Variants in DPT observed in about 807,000 individuals in gnomAD.
The protein encoded by DPT is tyrosine-rich acidic matrix protein.
Under a neutral mutation model 31.2 loss-of-function variants are expected in DPT, and 21 were observed. The observed-to-expected ratio is 0.67, with a 90% CI of 0.48 to 0.97. DPT has a LOEUF of 0.97. Ranked by LOEUF, DPT falls within the 50% of genes least tolerant of loss-of-function variation. The pLI is 0.00. For synonymous variants in DPT, 91 were observed against 86.9 expected (o/e 1.05, Z -0.26); for missense variants, 262 against 258.8 (o/e 1.01, Z -0.08).
At chr1:168,698,654 G>A (rs188727731) in intron 3 of DPT, among the ~76,000 whole-genome samples, 317 of 152,224 alleles carry the variant, frequency 2.1e-3, no homozygotes, top group African/African-American at 7.3e-3. Context: ...TTTGGTTAGG[G>A]TGGGGTGCTA....
At chr1:168,719,953 T>C (rs1650064961) in intron 1 of DPT, among the ~76,000 whole-genome samples, 1 of 152,112 alleles carries the variant, frequency 6.6e-6, no homozygotes, top group Non-Finnish European at 1.5e-5. Context: ...GTGAACCTAT[T>C]CTGAGAAAGT....
At position 168,728,927 on chromosome 1, in the gene DPT, C is replaced by A. The variant is rs150749597; in HGVS notation, c.248G>T (p.Ser83Ile). Reference sequence around the variant, plus strand: ...CCAGCACTCCGTGGGTTCCCCGAGGCTCTGTGGCGTGGGCATGCAGGCGTA... The same window carrying A: ...CCAGCACTCCGTGGGTTCCCCGAGGATCTGTGGCGTGGGCATGCAGGCGTA... ...WNYACMPTPQ[S>I]LGEPTECWWE... The change falls in exon 1 of 4, where the codon AGC becomes ATC. Residue 83 changes from serine (S) to isoleucine (I), a missense_variant. Coordinates refer to ENST00000367817, the MANE Select transcript of DPT (RefSeq NM_001937.5). 3.6e-4 allele frequency: 578 copies of A among 1,614,208 alleles called. No homozygotes were observed. The African/African-American group carries it at 7.1e-3, about 20-fold the overall frequency.
At chr1:168,702,241 A>C (rs1033032563) in intron 2 of DPT, among the ~76,000 whole-genome samples, 9 of 152,350 alleles carry the variant, frequency 5.9e-5, no homozygotes, top group Admixed American at 4.6e-4. Flanking sequence ...AATGCTAGAA[A>C]GATCTTCTCC....
At chr1:168,723,410 A>G (rs1013865575) in intron 1 of DPT, among the ~76,000 whole-genome samples, 4 of 152,212 alleles carry the variant, frequency 2.6e-5, no homozygotes, top group African/African-American at 9.6e-5. Context: ...ATTCATCTCC[A>G]TCTTCCTGGG....
intron 1 of DPT, among the ~76,000 whole-genome samples, chr1:168,719,564 A>G (rs1009249785): frequency 3.9e-5 from 6 of 152,108 alleles, no homozygotes; most frequent in Admixed American, 3.3e-4. Flanking sequence ...CCTGGAGAAC[A>G]GGGCAGTGGC....
intron 1 of DPT, among the ~76,000 whole-genome samples, chr1:168,726,663 G>A (rs1167909656): frequency 1.3e-5 from 2 of 152,208 alleles, no homozygotes; most frequent in African/African-American, 4.8e-5. Context: ...CTTGACTGTG[G>A]CACAAAAAAC....
intron 1 of DPT, among the ~76,000 whole-genome samples, chr1:168,725,892 C>T (rs1650232923): frequency 6.6e-6 from 1 of 152,146 alleles, no homozygotes; most frequent in Non-Finnish European, 1.5e-5. Flanking sequence ...TGCACAAAAC[C>T]ATCAACAACT....
At chr1:168,705,530 G>A (rs969987500) in intron 2 of DPT, among the ~76,000 whole-genome samples, 1 of 152,166 alleles carries the variant, frequency 6.6e-6, no homozygotes, top group African/African-American at 2.4e-5. Context: ...GGTACCTGAG[G>A]AAGCCATACT....
At chr1:168,724,614 A>G (rs780693365) in intron 1 of DPT, among the ~76,000 whole-genome samples, 2 of 152,120 alleles carry the variant, frequency 1.3e-5, no homozygotes, top group African/African-American at 2.4e-5. Context: ...GAGTGGAGAC[A>G]GCGAGATGTG....
At chr1:168,701,192 C>T in intron 2 of DPT, 68 bp from the exon 3 acceptor site, 1 of 1,211,794 alleles carries the variant, frequency 8.3e-7, no homozygotes, top group South Asian at 1.2e-5. Context: ...AAACAGAAGA[C>T]ACACTATGAA....
In DPT at chr1:168,696,453, G is replaced by A; in HGVS notation, c.*96C>T. ...TCAGGGAGAAGGAAAGAGAGCAGCA[G>A]AAACTTCTATAGGAGATCCAACTGA... On this transcript the variant is annotated 3_prime_UTR_variant, in exon 4 of 4. Transcript: ENST00000367817. The A allele has an allele frequency of 9.3e-7, 1 of 1,076,940 alleles. No homozygotes were observed. The highest frequency in any genetic ancestry group is 1.6e-5 in the South Asian group (1 of 61,796). The allele number at this position is 1,076,940 out of a possible 1,614,324, so 66.7% of individuals were successfully genotyped here.
chr1:168,714,279 C>G lies in DPT; in HGVS notation c.373G>C (p.Asp125His). ...FQSRYFESVL[D>H]REWQFYCCRY... is the part of the protein sequence containing the mutation. The stretch of plus-strand genomic sequence containing the variant: ...CAACAGTAAAACTGCCACTCCCGAT[C>G]CAGCACTGACTCGAAGTAGCGGCTC... The change falls in exon 2 of 4, where the codon GAT (aspartate) becomes CAT (histidine). Residue 125 changes from aspartate (D) to histidine (H), a missense_variant. Physicochemically the swap from Asp to His is moderately conservative, Grantham distance 81. Coordinates refer to ENST00000367817, the MANE Select transcript of DPT (RefSeq NM_001937.5). 1 of 1,614,118 alleles carries G rather than the reference C, an allele frequency of 6.2e-7. No homozygotes were observed. Among genetic ancestry groups the G allele is most frequent in the Non-Finnish European group, 8.5e-7 (1 of 1,180,018 alleles).
chr1:168,720,775 A>T (rs1210114957), intron 1 of DPT, among the ~76,000 whole-genome samples: 1 of 152,196 alleles, frequency 6.6e-6, no homozygotes, highest in African/African-American at 2.4e-5. Context: ...CCAAAGGTGG[A>T]TGAGGTCTTA....
chr1:168,701,284 A>G (rs1418300188), intron 2 of DPT, among the ~76,000 whole-genome samples, 160 bp from the exon 3 acceptor site: 1 of 152,150 alleles, frequency 6.6e-6, no homozygotes, highest in African/African-American at 2.4e-5. Flanking sequence ...CTGTGAAGAA[A>G]CAGACAGCTC....
At chr1:168,710,987 T>G (rs1175194742) in intron 2 of DPT, among the ~76,000 whole-genome samples, 1 of 151,788 alleles carries the variant, frequency 6.6e-6, no homozygotes, top group African/African-American at 2.4e-5. Flanking sequence ...TTTCTTCTGT[T>G]TGACAACTTT....
chr1:168,722,521 C>T (rs1186181164), intron 1 of DPT, among the ~76,000 whole-genome samples: 3 of 152,100 alleles, frequency 2.0e-5, no homozygotes, highest in African/African-American at 7.2e-5. Flanking sequence ...ACTATGCGTG[C>T]ATTAATTATT....
At chr1:168,701,334 T>C (rs1649593050) in intron 2 of DPT, among the ~76,000 whole-genome samples, 1 of 152,110 alleles carries the variant, frequency 6.6e-6, no homozygotes, top group South Asian at 2.1e-4. Flanking sequence ...GCCATTAAAC[T>C]GTGCACTGAA....
At chr1:168,709,312 A>C (rs546155349) in intron 2 of DPT, among the ~76,000 whole-genome samples, 1 of 152,344 alleles carries the variant, frequency 6.6e-6, no homozygotes, top group African/African-American at 2.4e-5. Flanking sequence ...GGGTTGTGGC[A>C]ACTTCAGTGA....
rs767336695 is a variant in DPT at position 168,701,093 on chromosome 1, C to T, written c.463G>A (p.Glu155Lys). ...TTGTAGGAAATCATGTCCATTTCCTCACCATAGTGACCTGGATATTCTGTT... is the reference window on the plus strand; with the variant it reads ...TTGTAGGAAATCATGTCCATTTCCTTACCATAGTGACCTGGATATTCTGTT... ...LTTEYPGHYGEEMDMISYNYD... is the reference protein window; with the variant it reads ...LTTEYPGHYGKEMDMISYNYD... Residue 155 changes from glutamate to lysine, a missense_variant, in exon 3 of 4, where the codon GAG (glutamate) becomes AAG (lysine). Coordinates refer to ENST00000367817, the MANE Select transcript of DPT (RefSeq NM_001937.5). 16 of 1,613,666 alleles carry T rather than the reference C, an allele frequency of 9.9e-6. No homozygotes were observed. The East Asian group carries it at 2.7e-4, about 27-fold the overall frequency.
Sources: allele counts gnomAD v4.1 joint callset (sites outside exome capture counted in the v4.1 genomes callset), GRCh38; gene constraint gnomAD v4.1.1; transcripts MANE v1.5; gene names NCBI Gene and HGNC (gene_info 2026-07-23, HGNC 2026-07-21).